The following PCDHA5 variants were observed in gnomAD, a reference collection of about 807,000 sequenced individuals.
PCDHA5 encodes the protein protocadherin alpha-5.
In PCDHA5, 43 loss-of-function variants were observed where a neutral mutation model predicts 61.6. That is an observed-to-expected ratio of 0.70 (90% CI 0.55 to 0.90). The LOEUF (loss-of-function observed/expected upper bound fraction) is 0.90, where lower values mean the gene tolerates loss of function less well. Ranked by LOEUF, PCDHA5 falls within the 40% of genes least tolerant of loss-of-function variation. The pLI is 0.00. For missense variants in PCDHA5, 1,298 were observed against 1,222.7 expected, an observed-to-expected ratio of 1.06 and a Z score of -0.92; for synonymous variants, 627 against 543.9, an observed-to-expected ratio of 1.15 and a Z score of -2.13.
At chr5:140,967,468 C>T (rs155807) in intron 1 of PCDHA5, 541,339 of 1,613,022 alleles carry the variant, frequency 0.34, 92,423 homozygotes, top group East Asian at 0.5. Context: ...ATGGGGGCAT[C>T]CCAGCCCGCT....
At chr5:140,879,303 G>A (rs2057936117) in intron 1 of PCDHA5, among the ~76,000 whole-genome samples, 1 of 152,184 alleles carries the variant, frequency 6.6e-6, no homozygotes. Flanking sequence ...AAAAACAAAA[G>A]TAGAAGTTGA....
rs370831122 is a variant in PCDHA5, at chr5:140,966,962, G to C, written c.2353-11987G>C. On this transcript the variant is annotated intron_variant, in intron 1 of 3. Transcript: ENST00000529859. ...CGTGGGCAACGTGGCTCGCGCGCTG[G>C]GGCTTGAGCTGCGGCGCTTGGGGCC... The C allele has an allele frequency of 1.3e-5, 21 of 1,602,632 alleles. No individual in the cohort carries two copies. Among genetic ancestry groups the C allele is most frequent in the Admixed American group, 3.3e-5 (2 of 59,750 alleles).
chr5:140,868,468 TA>T (rs2050485574), intron 1 of PCDHA5: 1 of 152,446 alleles, frequency 6.6e-6, no homozygotes, highest in Non-Finnish European at 1.5e-5. Flanking sequence ...GCTGCTTTTA[TA>T]AAACTTCAAT....
intron 1 of PCDHA5, among the ~76,000 whole-genome samples, chr5:140,949,545 T>G (rs1173643616): frequency 6.6e-6 from 1 of 151,906 alleles, no homozygotes; most frequent in Non-Finnish European, 1.5e-5. Flanking sequence ...ATCGATTTGT[T>G]GCTGGTCATA....
At chr5:140,979,537 A>G (rs538323100) in intron 2 of PCDHA5, among the ~76,000 whole-genome samples, 1 of 152,332 alleles carries the variant, frequency 6.6e-6, no homozygotes, top group East Asian at 1.9e-4. Context: ...ATTGTCATCA[A>G]TGACATGGTT....
intron 1 of PCDHA5, chr5:140,870,717 T>G: frequency 6.2e-7 from 1 of 1,613,180 alleles, no homozygotes. Flanking sequence ...GCGCGCGCGA[T>G]GCGGGCGTGC....
chr5:140,843,586 G>T lies in PCDHA5; in HGVS notation c.2352+19459G>T, dbSNP rs2150363126. The T allele has an allele frequency of 4.4e-6, 7 of 1,596,012 alleles. 1 individual carries two copies. Among genetic ancestry groups the T allele is most frequent in the African/African-American group, 1.3e-5 (1 of 74,542 alleles). Reference sequence around the variant, plus strand: ...GCTGGTCATACTCGCAACAACAGCCGCAGAGGGTGTGCTCTGGTGAGGGGC... The same window carrying T: ...GCTGGTCATACTCGCAACAACAGCCTCAGAGGGTGTGCTCTGGTGAGGGGC... On this transcript the variant is annotated intron_variant, in intron 1 of 3. Coordinates refer to ENST00000529859, the MANE Select transcript of PCDHA5 (RefSeq NM_018908.3).
chr5:140,864,184 A>T (rs2153225198), intron 1 of PCDHA5: 1 of 152,304 alleles, frequency 6.6e-6, no homozygotes, highest in East Asian at 1.9e-4. Context: ...ATGATGAATA[A>T]TGATCCTTAT....
At chr5:140,881,399 T>A in intron 1 of PCDHA5, 1 of 975,578 alleles carries the variant, frequency 1.0e-6, no homozygotes, top group Non-Finnish European at 1.2e-6. Flanking sequence ...TTAAATTCTA[T>A]TAAATCAATA....
chr5:140,968,802 C>T, intron 1 of PCDHA5: 1 of 1,614,218 alleles, frequency 6.2e-7, no homozygotes. Flanking sequence ...ATTACAGTAG[C>T]TGTGGTGGAT....
intron 3 of PCDHA5, among the ~76,000 whole-genome samples, chr5:140,989,792 C>T (rs1324674581): frequency 6.6e-6 from 1 of 152,142 alleles, no homozygotes; most frequent in African/African-American, 2.4e-5. Flanking sequence ...CTAGAGGCCC[C>T]CAGGAAAGGG....
chr5:140,868,248 T>C (rs1554161850), intron 1 of PCDHA5: 1 of 152,160 alleles, frequency 6.6e-6, no homozygotes, highest in East Asian at 1.9e-4. Context: ...CAATAGACTT[T>C]TCCTTTGTGG....
chr5:140,982,662 T>C (rs1325546785), intron 3 of PCDHA5, 99 bp downstream of exon 3: 4 of 1,476,284 alleles, frequency 2.7e-6, no homozygotes, highest in Admixed American at 2.6e-5. Context: ...CTTTTTCTTT[T>C]ATATTTTTGT....
At chr5:140,870,053 T>C (rs782629825) in intron 1 of PCDHA5, 4 of 1,613,810 alleles carry the variant, frequency 2.5e-6, no homozygotes, top group Middle Eastern at 1.6e-4. Context: ...TTTTATAAAA[T>C]TGAAGTACAG....
intron 1 of PCDHA5, chr5:140,841,205 T>G (rs1319319145): frequency 1.5e-6 from 2 of 1,339,602 alleles, no homozygotes; most frequent in African/African-American, 3.0e-5. Context: ...TGACAGCATC[T>G]GTCTCTAAAG....
At chr5:140,914,710 G>T (rs879987412) in intron 1 of PCDHA5, among the ~76,000 whole-genome samples, 22 of 151,256 alleles carry the variant, frequency 1.5e-4, no homozygotes, top group Non-Finnish European at 2.4e-4. Flanking sequence ...TTAATTTCTT[G>T]TTTTTTATTT....
intron 3 of PCDHA5, among the ~76,000 whole-genome samples, chr5:140,985,205 G>C (rs1554246849): frequency 6.6e-6 from 1 of 152,092 alleles, no homozygotes; most frequent in African/African-American, 2.4e-5. Flanking sequence ...CCAAAGTGTT[G>C]GGATTACAGG....
At chr5:141,005,701 CAAA>C (rs59860837) in intron 3 of PCDHA5, among the ~76,000 whole-genome samples, 30 of 7,778 alleles carry the variant, frequency 3.9e-3, no homozygotes, top group African/African-American at 0.012. Context: ...AACTCCGTCT[CAAA>C]AAAAAAAAAA....
Position 141,010,435 on chromosome 5 carries a change from A to C in PCDHA5, c.*498A>C. 1 of 1,039,068 alleles carries C rather than the reference A, an allele frequency of 9.6e-7. No individual in the cohort carries two copies. The highest frequency in any genetic ancestry group is 1.4e-6 in the Non-Finnish European group (1 of 739,892). The allele number at this position is 1,039,068 out of a possible 1,614,324, so 64.4% of individuals were successfully genotyped here. A position where few individuals can be genotyped will look rare whatever the true frequency, so the allele number is the denominator to read the frequency against. On this transcript the variant is annotated 3_prime_UTR_variant, in exon 4 of 4. Transcript: ENST00000529859. ...TGGTACAAGGAAGGCAAGAAAACAA[A>C]GACAAATAAACAGCGGAAGTTATCA...
Sources: allele counts gnomAD v4.1 joint callset (sites outside exome capture counted in the v4.1 genomes callset), GRCh38; gene constraint gnomAD v4.1.1; transcripts MANE v1.5; gene names NCBI Gene and HGNC (gene_info 2026-07-23, HGNC 2026-07-21).